The following ANKRD44 variants were observed in gnomAD, a reference collection of about 807,000 sequenced individuals.
ANKRD44 encodes serine/threonine-protein phosphatase 6 regulatory ankyrin repeat subunit B.
ANKRD44 carries 35 observed loss-of-function variants against 116.0 expected under a neutral mutation model. That is an observed-to-expected ratio of 0.30 (90% CI 0.23 to 0.40). ANKRD44 has a LOEUF of 0.40. Ranked by LOEUF, ANKRD44 falls within the 10% of genes least tolerant of loss-of-function variation. ANKRD44 has a pLI of 1.00. For missense variants in ANKRD44, 1,014 were observed against 1,242.6 expected (o/e 0.82, Z 2.77); for synonymous variants, 435 against 461.8 (o/e 0.94, Z 0.74).
At chr2:197,098,357 C>T (rs1404967184) in intron 10 of ANKRD44, among the ~76,000 whole-genome samples, 2 of 152,222 alleles carry the variant, frequency 1.3e-5, no homozygotes, top group African/African-American at 2.4e-5. Flanking sequence ...CACCTGCCCT[C>T]TGTGAATCTG....
chr2:197,183,682 G>A (rs1372805756), intron 2 of ANKRD44, among the ~76,000 whole-genome samples: 1 of 152,052 alleles, frequency 6.6e-6, no homozygotes, highest in Non-Finnish European at 1.5e-5. Flanking sequence ...TAAAGGGAGA[G>A]TCTAAAGAGG....
chr2:197,016,505 T>G (rs1017945102), intron 17 of ANKRD44, among the ~76,000 whole-genome samples: 110 of 152,324 alleles, frequency 7.2e-4, no homozygotes, highest in African/African-American at 2.4e-3. Context: ...TTAATTACTA[T>G]TTTGTATGAA....
At position 197,006,343 on chromosome 2, in the gene ANKRD44, G is replaced by T. The variant is rs571864904; in HGVS notation, c.2131-433C>A. On this transcript the variant is annotated intron_variant, in intron 20 of 27. Transcript: ENST00000282272. Reference sequence around the variant, plus strand: ...CCCTGTAGTCCCAGCTACTTGGGAGGCTGAGGCAGGAGAATGGCGTGAACC... The same window carrying T: ...CCCTGTAGTCCCAGCTACTTGGGAGTCTGAGGCAGGAGAATGGCGTGAACC... Among the ~76,000 whole-genome samples the T allele has an allele frequency of 2.6e-5, 4 of 152,292 alleles. No individual in the cohort carries two copies. The South Asian group carries it at 8.3e-4, about 32-fold the overall frequency.
intron 13 of ANKRD44, 118 bp downstream of exon 13, chr2:197,086,562 G>T: frequency 1.1e-6 from 1 of 890,734 alleles, no homozygotes. Context: ...TTCCGAGGAG[G>T]ATGGAATCCC....
At chr2:197,077,942 AAACTCTT>A (rs1461441973) in intron 16 of ANKRD44, 1 of 152,150 alleles carries the variant, frequency 6.6e-6, no homozygotes, top group African/African-American at 2.4e-5. Flanking sequence ...TGGACAGGAA[AAACTCTT>A]ACTTGAATAA....
At chr2:197,288,202 A>G (rs1207723907) in intron 1 of ANKRD44, among the ~76,000 whole-genome samples, 1 of 152,168 alleles carries the variant, frequency 6.6e-6, no homozygotes, top group Non-Finnish European at 1.5e-5. Context: ...TCCAATGAGA[A>G]ACACTGTTAC....
At chr2:197,099,544 TAGAA>T in intron 10 of ANKRD44, 1 of 1,152,754 alleles carries the variant, frequency 8.7e-7, no homozygotes, top group Non-Finnish European at 1.1e-6. Context: ...AGAAGAATAT[TAGAA>T]AGAAAAGTTA....
intron 3 of ANKRD44, among the ~76,000 whole-genome samples, chr2:197,139,837 C>T (rs2079313620): frequency 7.1e-6 from 1 of 140,032 alleles, no homozygotes; most frequent in African/African-American, 2.7e-5. Context: ...GGAGGGGGGA[C>T]TAAGCTGCTT....
chr2:197,080,676 A>C (rs1035900842), intron 15 of ANKRD44, among the ~76,000 whole-genome samples: 8 of 152,080 alleles, frequency 5.3e-5, no homozygotes, highest in Admixed American at 5.2e-4. Flanking sequence ...ATTACCATCG[A>C]AGTTAGGTCC....
chr2:197,147,464 A>G (rs1181055280), intron 2 of ANKRD44, among the ~76,000 whole-genome samples: 1 of 151,980 alleles, frequency 6.6e-6, no homozygotes, highest in East Asian at 1.9e-4. Flanking sequence ...TACCATAGCA[A>G]TATAGTTCAA....
In ANKRD44 at chr2:197,152,825, C is replaced by A. The variant is rs187673317; in HGVS notation, c.112-5720G>T. ...TCTAATCTGCATTCTAAGTAACTGT[C>A]ATACACCAAAACAAACATTCCACCC... On this transcript the variant is annotated intron_variant, in intron 2 of 27. Transcript: ENST00000282272. 3.3e-5 allele frequency among the ~76,000 whole-genome samples: 5 copies of A among 152,300 alleles called. No homozygotes were observed. The East Asian group carries it at 5.8e-4, about 18-fold the overall frequency.
chr2:197,051,999 G>A (rs1471944295), intron 16 of ANKRD44, among the ~76,000 whole-genome samples: 7 of 152,108 alleles, frequency 4.6e-5, no homozygotes, highest in Non-Finnish European at 1.5e-5. Context: ...TTTAAACTTC[G>A]GGGTTACCAT....
At chr2:197,293,932 A>G (rs1439183260) in intron 1 of ANKRD44, among the ~76,000 whole-genome samples, 1 of 152,216 alleles carries the variant, frequency 6.6e-6, no homozygotes, top group Non-Finnish European at 1.5e-5. Context: ...TATCCTAAAT[A>G]TAACTGCAGA....
rs370047279 is a variant in ANKRD44, at chr2:197,183,641, GTA to G, written c.111+3380_111+3381del. On this transcript the variant is annotated intron_variant, in intron 2 of 27. Transcript: ENST00000282272. ...ATAAGTGTGGGGTCAAATGATCTTT[GTA>G]CACACCTGAAGGAGCAGAAAGGGGG... Among the ~76,000 whole-genome samples the G allele has an allele frequency of 2.8e-3, 420 of 152,070 alleles. 1 individual carries two copies. The highest frequency in any genetic ancestry group is 9.3e-3 in the African/African-American group (386 of 41,490).
intron 16 of ANKRD44, among the ~76,000 whole-genome samples, chr2:197,067,969 C>T (rs1336688647): frequency 4.6e-5 from 7 of 151,482 alleles, no homozygotes; most frequent in South Asian, 2.1e-4. Flanking sequence ...CCCAAATGTC[C>T]GACAATGATA....
chr2:197,249,991 C>T (rs2082280236), intron 1 of ANKRD44, among the ~76,000 whole-genome samples: 1 of 152,294 alleles, frequency 6.6e-6, no homozygotes, highest in Non-Finnish European at 1.5e-5. Flanking sequence ...CAATGACAGT[C>T]TTATCAGGCA....
intron 20 of ANKRD44, among the ~76,000 whole-genome samples, chr2:197,006,414 C>T (rs772830456): frequency 1.2e-4 from 19 of 152,090 alleles, no homozygotes; most frequent in Non-Finnish European, 1.2e-4. Flanking sequence ...CACTGCACTA[C>T]GGCCTGGGCG....
At chr2:197,163,688 G>C (rs1216431785) in intron 2 of ANKRD44, among the ~76,000 whole-genome samples, 2 of 152,158 alleles carry the variant, frequency 1.3e-5, no homozygotes, top group Non-Finnish European at 1.5e-5. Context: ...CACCAGGCTG[G>C]AGTGCAGTGG....
intron 1 of ANKRD44, among the ~76,000 whole-genome samples, chr2:197,262,929 C>T (rs1355276337): frequency 2.0e-5 from 3 of 151,968 alleles, no homozygotes; most frequent in East Asian, 1.9e-4. Flanking sequence ...AAACAAAAAA[C>T]GTTAGCAATA....
Sources: allele counts gnomAD v4.1 joint callset (sites outside exome capture counted in the v4.1 genomes callset), GRCh38; gene constraint gnomAD v4.1.1; transcripts MANE v1.5; gene names NCBI Gene and HGNC (gene_info 2026-07-23, HGNC 2026-07-21).